EPS15L1: variants seen among roughly 807,000 people sequenced by gnomAD.
EPS15L1 encodes the protein epidermal growth factor receptor pathway substrate 15 like 1.
Under a neutral mutation model 117.1 loss-of-function variants are expected in EPS15L1, and 43 were observed. The observed-to-expected ratio is 0.37, with a 90% CI of 0.29 to 0.47. The LOEUF is 0.47. EPS15L1 is among the 20% of genes least tolerant of loss of function. EPS15L1 has a pLI of 0.99. For missense variants in EPS15L1, 981 were observed against 1,164.0 expected (o/e 0.84, Z 2.29); for synonymous variants, 459 against 470.5 (o/e 0.98, Z 0.32).
intron 1 of EPS15L1, among the ~76,000 whole-genome samples, chr19:16,459,113 G>C (rs980655323): frequency 1.3e-5 from 2 of 152,202 alleles, no homozygotes; most frequent in African/African-American, 4.8e-5. Context: ...ACATAGCAAA[G>C]GCACAGGAAA....
chr19:16,442,039 G>C (rs1314827269), intron 2 of EPS15L1, 58 bp from the exon 3 acceptor site: 1 of 1,516,036 alleles, frequency 6.6e-7, no homozygotes, highest in Admixed American at 1.7e-5. Context: ...AGCAGGTGAA[G>C]TGGCACCCGC....
intron 19 of EPS15L1, among the ~76,000 whole-genome samples, chr19:16,390,069 GC>G (rs1317670181): frequency 6.6e-6 from 1 of 151,872 alleles, no homozygotes; most frequent in Non-Finnish European, 1.5e-5. Context: ...CACTTACAAG[GC>G]AGGGACTTCT....
intron 16 of EPS15L1, chr19:16,400,500 AC>A: frequency 3.4e-6 from 1 of 294,190 alleles, no homozygotes; most frequent in Non-Finnish European, 5.0e-6. Flanking sequence ...GGGACCTAAA[AC>A]CCCCAACTTC....
In EPS15L1 at chr19:16,395,333, A is replaced by G; in HGVS notation, c.1915+11T>C. 1 of 1,610,316 alleles carries G rather than the reference A, an allele frequency of 6.2e-7. No individual in the cohort carries two copies. The highest frequency in any genetic ancestry group is 8.5e-7 in the Non-Finnish European group (1 of 1,178,334). On this transcript the variant is annotated intron_variant, in intron 17 of 23. Coordinates refer to ENST00000455140, the MANE Select transcript of EPS15L1 (RefSeq NM_001258374.3). ...GTCTTTCAATGAGAAAGTGGGTAGC[A>G]AGTGAGATACCTTTGAAGGGGTCAG...
At chr19:16,429,098 TTGCCCTAA>T (rs1164079024) in intron 7 of EPS15L1, among the ~76,000 whole-genome samples, 2 of 152,222 alleles carry the variant, frequency 1.3e-5, no homozygotes, top group African/African-American at 4.8e-5. Flanking sequence ...AGTACAGGTG[TTGCCCTAA>T]ACACCCACAC....
chr19:16,469,567 C>T, intron 1 of EPS15L1, among the ~76,000 whole-genome samples: 1 of 151,956 alleles, frequency 6.6e-6, no homozygotes, highest in East Asian at 1.9e-4. Flanking sequence ...GCAGACCTTT[C>T]GAATTTACGT....
At chr19:16,379,165 C>T (rs1449893163) in intron 21 of EPS15L1, among the ~76,000 whole-genome samples, 4 of 152,070 alleles carry the variant, frequency 2.6e-5, no homozygotes, top group East Asian at 3.8e-4. Context: ...ATTAGCCGGT[C>T]GTGGTGGCGG....
In EPS15L1 at chr19:16,395,422, G is replaced by T; in HGVS notation, c.1837C>A (p.Gln613Lys). 3 of 1,613,612 alleles carry T rather than the reference G, an allele frequency of 1.9e-6. No homozygotes were observed. Among genetic ancestry groups the T allele is most frequent in the Non-Finnish European group, 2.5e-6 (3 of 1,179,542 alleles). The change falls in exon 17 of 24, where the codon CAA (glutamine) becomes AAA (lysine). Residue 613 changes from glutamine (Q) to lysine (K), a missense_variant. This residue lies in a region of EPS15L1 where 819 missense variants were observed against 949.0 expected (regional missense o/e 0.86). Transcript: ENST00000455140. ...NKALLFSNNT[Q>K]ELHPDPFQTE... ...TGGAAAGGATCCGGATGCAACTCTT[G>T]CGTGTTGTTGCTAAATAACAAGGCT...
Position 16,471,874 on chromosome 19 carries a change from C to A in EPS15L1, c.33+39G>T, listed in dbSNP as rs528362281. The A allele has an allele frequency of 7.2e-6, 9 of 1,241,406 alleles. No homozygotes were observed. Among genetic ancestry groups the A allele is most frequent in the South Asian group, 4.4e-5 (2 of 45,946 alleles). 76.9% of individuals were successfully genotyped at this position (1,241,406 alleles called of 1,614,324 possible). ...TCGCCGCACCGCTCGCCTCGCGCCC[C>A]GCACCCCGGCGCCGCCCCCAGGCCC... On this transcript the variant is annotated intron_variant, in intron 1 of 23. Transcript: ENST00000455140. The surrounding 1 kb of genome is among the most constrained non-coding windows in gnomAD (Gnocchi z 4.8).
intron 3 of EPS15L1, 95 bp from the exon 4 acceptor site, chr19:16,441,004 G>T (rs1056310180): frequency 7.0e-5 from 85 of 1,210,836 alleles, no homozygotes; most frequent in Non-Finnish European, 7.7e-5. Context: ...CACTGGCCTT[G>T]CGGGGCAGGA....
chr19:16,391,834 G>C (rs113234041), intron 19 of EPS15L1, among the ~76,000 whole-genome samples: 1 of 152,066 alleles, frequency 6.6e-6, no homozygotes, highest in Non-Finnish European at 1.5e-5. Context: ...TACTCCTGCC[G>C]TGACGGGAGC....
At chr19:16,456,396 C>T (rs1268804795) in intron 1 of EPS15L1, among the ~76,000 whole-genome samples, 1 of 151,012 alleles carries the variant, frequency 6.6e-6, no homozygotes, top group East Asian at 2.0e-4. Flanking sequence ...GTGGCTCACG[C>T]CTGTAATCTC....
intron 7 of EPS15L1, among the ~76,000 whole-genome samples, chr19:16,431,660 T>G (rs1042801615): frequency 2.6e-5 from 4 of 152,130 alleles, no homozygotes; most frequent in African/African-American, 9.7e-5. Flanking sequence ...TAACAATAAT[T>G]TATCATATCT....
chr19:16,416,646 A>G (rs952307411), intron 12 of EPS15L1, among the ~76,000 whole-genome samples: 3 of 151,716 alleles, frequency 2.0e-5, no homozygotes, highest in Admixed American at 2.0e-4. Flanking sequence ...CAAATTAAAA[A>G]AAAAAAAAAA....
intron 4 of EPS15L1, among the ~76,000 whole-genome samples, chr19:16,438,988 C>T (rs2093003281): frequency 6.6e-6 from 1 of 152,074 alleles, no homozygotes; most frequent in Admixed American, 6.6e-5. Context: ...TTGAACTAGG[C>T]TGTCAGGTGC....
chr19:16,406,952 A>T lies in EPS15L1; in HGVS notation c.1267-2203T>A, dbSNP rs992398677. 2.0e-5 allele frequency among the ~76,000 whole-genome samples: 3 copies of T among 152,148 alleles called. No individual in the cohort carries two copies. In the East Asian group the frequency reaches 5.8e-4, roughly 29 times the overall value. ...TGGCCTTATAAAAGAGGCCCCTGAGAGCTGCCTCGATCTTTCCACTGAGGG... is the reference window on the plus strand; with the variant it reads ...TGGCCTTATAAAAGAGGCCCCTGAGTGCTGCCTCGATCTTTCCACTGAGGG... On this transcript the variant is annotated intron_variant, in intron 13 of 23. Transcript: ENST00000455140.
chr19:16,361,757 G>A (rs761046638), intron 23 of EPS15L1, 22 bp downstream of exon 23: 6 of 1,604,016 alleles, frequency 3.7e-6, no homozygotes, highest in African/African-American at 1.3e-5. Flanking sequence ...GGGGTGGCCC[G>A]GAGGCGGAGG....
At chr19:16,428,078 G>A (rs2144989236) in intron 8 of EPS15L1, among the ~76,000 whole-genome samples, 1 of 150,674 alleles carries the variant, frequency 6.6e-6, no homozygotes, top group East Asian at 2.0e-4. Context: ...GCAGGTGCCT[G>A]TAATCCCAGC....
In EPS15L1 at chr19:16,436,984, G is replaced by T; in HGVS notation, c.325C>A (p.Pro109Thr). Residue 109 changes from proline (P) to threonine (T), a missense_variant, in exon 6 of 24, where the codon CCT becomes ACT. Coordinates refer to ENST00000455140, the MANE Select transcript of EPS15L1 (RefSeq NM_001258374.3). ...PPPKFHDTSSPLMVTPPSAEA... is the reference protein window; with the variant it reads ...PPPKFHDTSSTLMVTPPSAEA... ...GCAGAGGGCGGTGTGACCATCAGAGGGCTGCTGGTGTCGTGCTGAGAAGAG... is the reference window on the plus strand; with the variant it reads ...GCAGAGGGCGGTGTGACCATCAGAGTGCTGCTGGTGTCGTGCTGAGAAGAG... The T allele has an allele frequency of 6.2e-7, 1 of 1,613,968 alleles. No individual in the cohort carries two copies. The highest frequency in any genetic ancestry group is 8.5e-7 in the Non-Finnish European group (1 of 1,179,858).
Sources: gnomAD v4.1 joint callset for allele counts (sites outside exome capture counted in the v4.1 genomes callset) on GRCh38, gnomAD v4.1.1 for gene constraint, gnomAD v4.1.1 regional missense constraint, Gnocchi (gnomAD v3.1) non-coding constraint, MANE v1.5 for transcripts, NCBI Gene and HGNC (gene_info 2026-07-23, HGNC 2026-07-21) for gene names.